DENND2B: variants seen among roughly 807,000 people sequenced by gnomAD.
The protein encoded by DENND2B is DENN domain-containing protein 2B.
DENND2B carries 32 observed loss-of-function variants against 116.0 expected under a neutral mutation model. The ratio of observed to expected loss-of-function variants is 0.28; its 90% CI spans 0.21 to 0.37. The LOEUF is 0.37. Among genes scored for constraint, DENND2B ranks in the 10% least tolerant of loss-of-function variants. The pLI, the probability that DENND2B is intolerant of heterozygous loss-of-function variation, is 1.00. For synonymous variants in DENND2B, 588 were observed against 583.9 expected (o/e 1.01, Z -0.10); for missense variants, 1,276 against 1,477.7 (o/e 0.86, Z 2.24).
chr11:8,807,165 C>A (rs566634320), intron 1 of DENND2B, among the ~76,000 whole-genome samples: 1 of 152,176 alleles, frequency 6.6e-6, no homozygotes, highest in Non-Finnish European at 1.5e-5. Flanking sequence ...CTGCCTCGGC[C>A]GACTCTCTTA....
intron 1 of DENND2B, chr11:8,766,766 CA>C (rs1472593237): frequency 4.5e-5 from 48 of 1,073,736 alleles, no homozygotes; most frequent in Non-Finnish European, 5.9e-5. Flanking sequence ...TCACAGGACT[CA>C]ACTTTTGTCA....
intron 4 of DENND2B, among the ~76,000 whole-genome samples, chr11:8,821,358 G>A (rs773341363): frequency 1.5e-4 from 22 of 151,712 alleles, no homozygotes; most frequent in Admixed American, 9.8e-4. Context: ...GAAGGCCAAG[G>A]TGGGAGGATC....
chr11:8,754,891 A>T (rs1189953878), intron 1 of DENND2B, among the ~76,000 whole-genome samples: 1 of 152,250 alleles, frequency 6.6e-6, no homozygotes, highest in Non-Finnish European at 1.5e-5. Context: ...GACATGGCTG[A>T]TAGGAGTACG....
chr11:8,712,075 G>C lies in DENND2B; in HGVS notation c.2172+476C>G. The C allele has an allele frequency of 2.3e-6, 1 of 439,376 alleles. No homozygotes were observed. Among genetic ancestry groups the C allele is most frequent in the South Asian group, 1.6e-5 (1 of 63,256 alleles). 27.2% of individuals were successfully genotyped at this position (439,376 alleles called of 1,614,324 possible). On this transcript the variant is annotated intron_variant, in intron 9 of 19. Transcript: ENST00000313726. The surrounding 1 kb of genome is among the most constrained non-coding windows in gnomAD (Gnocchi z 4.4). The stretch of plus-strand genomic sequence containing the variant: ...TGGCAGAGAGAGAGGGGTTGAGTGT[G>C]AGAGGAAGAAGAGGGAGGCCAGGCT...
intron 4 of DENND2B, among the ~76,000 whole-genome samples, chr11:8,828,524 A>T (rs375043312): frequency 6.6e-6 from 1 of 151,902 alleles, no homozygotes; most frequent in East Asian, 1.9e-4. Flanking sequence ...ACCAAAGGGG[A>T]CCCTCATCTC....
chr11:8,844,690 A>G (rs1332249163), intron 3 of DENND2B, among the ~76,000 whole-genome samples: 1 of 82,646 alleles, frequency 1.2e-5, no homozygotes, highest in Non-Finnish European at 2.7e-5. Flanking sequence ...AAATGCATAA[A>G]TTTTTAAATT....
chr11:8,781,267 T>G (rs1398778735), intron 1 of DENND2B, among the ~76,000 whole-genome samples: 1 of 151,434 alleles, frequency 6.6e-6, no homozygotes, highest in East Asian at 1.9e-4. Flanking sequence ...GCACCAAGAG[T>G]GAGCAGAGGA....
At chr11:8,905,642 T>C (rs1376342820) in intron 1 of DENND2B, among the ~76,000 whole-genome samples, 2 of 152,150 alleles carry the variant, frequency 1.3e-5, no homozygotes, top group Non-Finnish European at 2.9e-5. Context: ...AAAATACTTA[T>C]GAATCATACA....
chr11:8,776,883 T>C (rs1328779667), intron 1 of DENND2B, among the ~76,000 whole-genome samples: 1 of 152,114 alleles, frequency 6.6e-6, no homozygotes, highest in Non-Finnish European at 1.5e-5. Context: ...TAGGGGTTCC[T>C]AGGCCTGATG....
intron 1 of DENND2B, among the ~76,000 whole-genome samples, chr11:8,889,225 C>A (rs1283100074): frequency 6.6e-6 from 1 of 152,196 alleles, no homozygotes; most frequent in Admixed American, 6.5e-5. Context: ...TATGTGCATA[C>A]AACAGAATAT....
rs1307517346 is a variant in DENND2B at position 8,694,565 on chromosome 11, T to C, written c.3380-435A>G. The stretch of plus-strand genomic sequence containing the variant: ...GAAAGACCTGATGTATGTGGGAACC[T>C]GGGATTCCTCTTTGTAATGCAATAT... On this transcript the variant is annotated intron_variant, in intron 19 of 19. Coordinates refer to ENST00000313726, the MANE Select transcript of DENND2B (RefSeq NM_213618.2). The C allele has an allele frequency of 3.7e-5, 17 of 457,850 alleles. No individual in the cohort carries two copies. In the Admixed American group the frequency reaches 4.0e-4, roughly 11 times the overall value. The allele number at this position is 457,850 out of a possible 1,614,324, so 28.4% of individuals were successfully genotyped here. A position where few individuals can be genotyped will look rare whatever the true frequency, so the allele number is the denominator to read the frequency against.
intron 2 of DENND2B, among the ~76,000 whole-genome samples, chr11:8,878,977 T>C (rs1346433615): frequency 6.6e-6 from 1 of 152,250 alleles, no homozygotes; most frequent in Non-Finnish European, 1.5e-5. Flanking sequence ...TTGCACAATA[T>C]TGTGACTATA....
At chr11:8,710,752 GGC>G (rs2043469693) in intron 11 of DENND2B, 91 bp downstream of exon 11, 4 of 970,070 alleles carry the variant, frequency 4.1e-6, no homozygotes, top group African/African-American at 2.6e-5. Context: ...ATTGCAGAAG[GGC>G]ACACACACAC....
At chr11:8,739,311 A>G (rs2049759425) in intron 2 of DENND2B, among the ~76,000 whole-genome samples, 1 of 152,034 alleles carries the variant, frequency 6.6e-6, no homozygotes, top group Non-Finnish European at 1.5e-5. Flanking sequence ...AAAGCTACAC[A>G]CTGGCTGGGT....
intron 1 of DENND2B, among the ~76,000 whole-genome samples, chr11:8,900,097 C>T (rs981579830): frequency 3.9e-5 from 6 of 151,984 alleles, no homozygotes; most frequent in African/African-American, 4.8e-5. Context: ...TAGAGGCCAG[C>T]CTGGGCAACA....
chr11:8,855,435 A>C (rs2063160938), intron 3 of DENND2B, among the ~76,000 whole-genome samples: 1 of 150,998 alleles, frequency 6.6e-6, no homozygotes, highest in Admixed American at 6.6e-5. Context: ...ATGATGGATC[A>C]TGCTAAATTT....
chr11:8,754,401 C>CA (rs544798171), intron 1 of DENND2B, among the ~76,000 whole-genome samples: 15 of 151,976 alleles, frequency 9.9e-5, no homozygotes, highest in Non-Finnish European at 1.5e-4. Flanking sequence ...ATTTCTATAA[C>CA]AAAAAAAGAC....
In DENND2B at chr11:8,898,171, C is replaced by T. The variant is rs143817604; in HGVS notation, c.-256+12650G>A. Among the ~76,000 whole-genome samples, 231 of 152,290 alleles carry T rather than the reference C, an allele frequency of 1.5e-3. 1 individual carries two copies. Among genetic ancestry groups the T allele is most frequent in the African/African-American group, 5.2e-3 (216 of 41,546 alleles). ...TCAAGATGTTTAAGTACAATCTCTT[C>T]CCAGTTATTAGCTGACCACTAGCTA... On this transcript the variant is annotated intron_variant, in intron 1 of 22. Transcript: ENST00000534127.
intron 4 of DENND2B, among the ~76,000 whole-genome samples, chr11:8,833,766 ATGAAC>A (rs200453308): frequency 0.017 from 2,536 of 152,240 alleles, 45 homozygotes; most frequent in Non-Finnish European, 0.02. Context: ...GCACCAGTAA[ATGAAC>A]TGATGTCATC....
Sources: allele counts gnomAD v4.1 joint callset (sites outside exome capture counted in the v4.1 genomes callset), GRCh38; gene constraint gnomAD v4.1.1; non-coding constraint Gnocchi (gnomAD v3.1); transcripts MANE v1.5; gene names NCBI Gene and HGNC (gene_info 2026-07-23, HGNC 2026-07-21).